GABBR2: variants seen among roughly 807,000 people sequenced by gnomAD.
GABBR2 encodes the protein gamma-aminobutyric acid type B receptor subunit 2.
GABBR2 carries 23 observed loss-of-function variants against 105.6 expected under a neutral mutation model. The observed-to-expected ratio is 0.22, with a 90% CI of 0.16 to 0.31. The LOEUF is 0.31. Among genes scored for constraint, GABBR2 ranks in the 10% least tolerant of loss-of-function variants. The pLI is 1.00. For synonymous variants in GABBR2, 478 were observed against 499.7 expected (o/e 0.96, Z 0.58); for missense variants, 734 against 1,245.5 (o/e 0.59, Z 6.18).
chr9:98,474,635 C>T (rs538197728), intron 5 of GABBR2, among the ~76,000 whole-genome samples: 4 of 152,208 alleles, frequency 2.6e-5, no homozygotes, highest in South Asian at 2.1e-4. Context: ...CCATTCATGT[C>T]GCACCCCTTG....
intron 9 of GABBR2, among the ~76,000 whole-genome samples, chr9:98,392,246 C>T (rs998138787): frequency 6.6e-6 from 1 of 152,196 alleles, no homozygotes; most frequent in Non-Finnish European, 1.5e-5. Flanking sequence ...GTCCCTGCCC[C>T]ACCAAATTCG....
chr9:98,460,965 A>G (rs1042200771), intron 6 of GABBR2, among the ~76,000 whole-genome samples: 13 of 152,250 alleles, frequency 8.5e-5, no homozygotes, highest in African/African-American at 2.2e-4. Context: ...AATAGAAACA[A>G]TGGAAGCCAG....
chr9:98,697,243 G>C (rs1453342960), intron 1 of GABBR2, among the ~76,000 whole-genome samples: 1 of 152,178 alleles, frequency 6.6e-6, no homozygotes, highest in African/African-American at 2.4e-5. Flanking sequence ...TGTAATCCTA[G>C]CACTTTGGGA....
chr9:98,515,895 G>C (rs117507670), intron 3 of GABBR2: 6 of 152,284 alleles, frequency 3.9e-5, no homozygotes, highest in African/African-American at 1.4e-4. Flanking sequence ...AAGTCAGAGG[G>C]TCAAGACTGA....
chr9:98,601,353 C>A (rs776079012), intron 1 of GABBR2, among the ~76,000 whole-genome samples: 4 of 152,066 alleles, frequency 2.6e-5, no homozygotes, highest in Non-Finnish European at 4.4e-5. Flanking sequence ...CTCATCTCTA[C>A]AGAAAAATTT....
intron 1 of GABBR2, among the ~76,000 whole-genome samples, chr9:98,621,297 C>T (rs147579860): frequency 6.6e-6 from 1 of 152,156 alleles, no homozygotes; most frequent in Non-Finnish European, 1.5e-5. Flanking sequence ...GCAGGGGCAC[C>T]ACTGCCATCC....
At chr9:98,463,371 G>T (rs1050631172) in intron 6 of GABBR2, among the ~76,000 whole-genome samples, 12 of 152,150 alleles carry the variant, frequency 7.9e-5, no homozygotes, top group African/African-American at 2.9e-4. Flanking sequence ...GAGAAAGTAT[G>T]TATGTATGTG....
At chr9:98,326,994 C>T (rs922793687) in intron 13 of GABBR2, among the ~76,000 whole-genome samples, 1 of 152,146 alleles carries the variant, frequency 6.6e-6, no homozygotes, top group Non-Finnish European at 1.5e-5. Context: ...TGGAAGGCCT[C>T]GATGAACTCT....
At chr9:98,659,175 T>A (rs1830220687) in intron 1 of GABBR2, among the ~76,000 whole-genome samples, 1 of 152,242 alleles carries the variant, frequency 6.6e-6, no homozygotes, top group Non-Finnish European at 1.5e-5. Flanking sequence ...AAATTTCTTA[T>A]TCACTTTTGG....
At chr9:98,569,800 A>G (rs1588232659) in intron 2 of GABBR2, among the ~76,000 whole-genome samples, 1 of 152,166 alleles carries the variant, frequency 6.6e-6, no homozygotes, top group Non-Finnish European at 1.5e-5. Flanking sequence ...CCATGAATCT[A>G]CCTCAAATTC....
intron 7 of GABBR2, among the ~76,000 whole-genome samples, chr9:98,426,082 C>T (rs1825680101): frequency 6.6e-6 from 1 of 152,056 alleles, no homozygotes; most frequent in Non-Finnish European, 1.5e-5. Flanking sequence ...AGAAGGCTGG[C>T]ACATGAGGGG....
Position 98,303,301 on chromosome 9 carries a change from G to A in GABBR2, c.2352C>T (p.Ser784=). The change falls in exon 16 of 19, where the codon AGC becomes AGT. Residue 784 remains serine (S), a synonymous_variant. Coordinates refer to ENST00000259455, the MANE Select transcript of GABBR2 (RefSeq NM_005458.8). ...STSVTSVNQA[S]TSRLEGLQSE... ...ACTGTAGGCCCTCCAGGCGGGATGT[G>A]CTGGCTTGGTTCACACTGGTGACCG... 7 of 1,614,156 alleles carry A rather than the reference G, an allele frequency of 4.3e-6. No homozygotes were observed. Among genetic ancestry groups the A allele is most frequent in the Non-Finnish European group, 5.9e-6 (7 of 1,179,974 alleles).
chr9:98,659,209 A>T (rs368515706), intron 1 of GABBR2, among the ~76,000 whole-genome samples: 1 of 152,298 alleles, frequency 6.6e-6, no homozygotes, highest in East Asian at 1.9e-4. Flanking sequence ...CCTTTTGCAT[A>T]TATTTCTCTG....
At chr9:98,403,293 C>CAAAAAAAA (rs546167489) in intron 8 of GABBR2, among the ~76,000 whole-genome samples, 1 of 86,120 alleles carries the variant, frequency 1.2e-5, no homozygotes, top group Non-Finnish European at 2.2e-5. Context: ...GACTCCGTCT[C>CAAAAAAAA]AAAAAAAAAA....
chr9:98,434,021 C>T (rs1825858732), intron 7 of GABBR2, among the ~76,000 whole-genome samples: 5 of 152,202 alleles, frequency 3.3e-5, no homozygotes, highest in Admixed American at 2.0e-4. Flanking sequence ...ACATCTGAGT[C>T]TGGGACTGAG....
intron 13 of GABBR2, among the ~76,000 whole-genome samples, chr9:98,312,305 G>T (rs1420106872): frequency 6.6e-6 from 1 of 152,026 alleles, no homozygotes; most frequent in Non-Finnish European, 1.5e-5. Flanking sequence ...AGCCTACTTT[G>T]GTCTTTCATG....
At chr9:98,641,274 CA>C (rs1262367897) in intron 1 of GABBR2, among the ~76,000 whole-genome samples, 3 of 151,574 alleles carry the variant, frequency 2.0e-5, no homozygotes, top group Admixed American at 6.6e-5. Flanking sequence ...GCTGGGATTA[CA>C]GGCACACACC....
At chr9:98,409,331 T>C (rs773786836) in intron 7 of GABBR2, among the ~76,000 whole-genome samples, 4 of 152,176 alleles carry the variant, frequency 2.6e-5, no homozygotes, top group Admixed American at 6.5e-5. Context: ...GGGTACAGAA[T>C]GGATGGTAGT....
intron 1 of GABBR2, among the ~76,000 whole-genome samples, chr9:98,653,338 A>G (rs1399997139): frequency 6.6e-6 from 1 of 152,228 alleles, no homozygotes; most frequent in African/African-American, 2.4e-5. Flanking sequence ...TGTGGAGCAC[A>G]GCTATACAGA....
Sources: allele counts gnomAD v4.1 joint callset (sites outside exome capture counted in the v4.1 genomes callset), GRCh38; gene constraint gnomAD v4.1.1; transcripts MANE v1.5; gene names NCBI Gene and HGNC (gene_info 2026-07-23, HGNC 2026-07-21).